SNX2: variants seen among roughly 807,000 people sequenced by gnomAD.
SNX2 encodes the protein sorting nexin-2.
A neutral mutation model predicts 69.9 loss-of-function variants in SNX2; 25 were observed. That is an observed-to-expected ratio of 0.36 (90% CI 0.26 to 0.50). The LOEUF (loss-of-function observed/expected upper bound fraction) is 0.50, where lower values mean the gene tolerates loss of function less well. Among genes scored for constraint, SNX2 ranks in the 20% least tolerant of loss-of-function variants. The probability of loss-of-function intolerance (pLI) is 0.97; values close to 1 mark genes in which losing one functional copy is unlikely to be tolerated. For synonymous variants in SNX2, 229 were observed against 200.4 expected, an observed-to-expected ratio of 1.14 and a Z score of -1.20; for missense variants, 551 against 613.3, an observed-to-expected ratio of 0.90 and a Z score of 1.07.
chr5:122,806,599 TTTTATTTATTTATTTATTTA>T (rs140249573), intron 6 of SNX2, among the ~76,000 whole-genome samples: 2 of 150,594 alleles, frequency 1.3e-5, no homozygotes, highest in South Asian at 2.1e-4. Flanking sequence ...TTGTTTGGGG[TTTTATTTATTTATTTATTTA>T]TTTATTTATT....
At chr5:122,801,651 T>TTGTGTGTGTG (rs1752907799) in intron 3 of SNX2, among the ~76,000 whole-genome samples, 1 of 59,888 alleles carries the variant, frequency 1.7e-5, no homozygotes, top group African/African-American at 8.7e-5. Flanking sequence ...ATGGTCTTTT[T>TTGTGTGTGTG]CGTGTGTGTG....
At chr5:122,775,888 T>C (rs1044151185) in intron 1 of SNX2, 1 of 548,924 alleles carries the variant, frequency 1.8e-6, no homozygotes, top group Non-Finnish European at 2.3e-6. Flanking sequence ...TGTGTGTGTT[T>C]TCGAAGTTAC....
At chr5:122,807,860 G>T (rs1400709520) in intron 6 of SNX2, among the ~76,000 whole-genome samples, 5 of 152,054 alleles carry the variant, frequency 3.3e-5, no homozygotes, top group East Asian at 1.9e-4. Flanking sequence ...CCAAAGTAAA[G>T]AATTTTAATT....
At chr5:122,791,864 A>G (rs1187065680) in intron 1 of SNX2, among the ~76,000 whole-genome samples, 1 of 152,268 alleles carries the variant, frequency 6.6e-6, no homozygotes, top group African/African-American at 2.4e-5. Flanking sequence ...AGTGAACAAG[A>G]TGAGATACTC....
rs755477771 is a variant in SNX2 at position 122,775,096 on chromosome 5, G to A, written c.-8G>A. 1.8e-5 allele frequency: 28 copies of A among 1,579,944 alleles called. No homozygotes were observed. In the Admixed American group the frequency reaches 1.9e-4, roughly 11 times the overall value. On this transcript the variant is annotated 5_prime_UTR_variant, in exon 1 of 15. Transcript: ENST00000379516. ...GCCCAGCTCGCGCAGTCGTTCGGGT[G>A]AGCGAAGATGGCGGCCGAGAGGGAA... is the stretch of plus-strand genomic sequence containing the variant.
At chr5:122,816,835 A>AG (rs1401615021) in intron 8 of SNX2, 80 bp from the exon 9 acceptor site, 8 of 521,910 alleles carry the variant, frequency 1.5e-5, no homozygotes, top group Admixed American at 3.8e-5. Flanking sequence ...AGGGGGGAGG[A>AG]GGGGGGATCA....
Position 122,775,120 on chromosome 5 carries a change from A to G in SNX2, c.17A>G (p.Glu6Gly), listed in dbSNP as rs761074816. 1.9e-6 allele frequency: 3 copies of G among 1,591,218 alleles called. No homozygotes were observed. Among genetic ancestry groups the G allele is most frequent in the Non-Finnish European group, 2.6e-6 (3 of 1,170,834 alleles). The change falls in exon 1 of 15, where the codon GAA (glutamate) becomes GGA (glycine). Residue 6 changes from glutamate to glycine, a missense_variant. Physicochemically the swap from Glu to Gly is moderately conservative, Grantham distance 98. Around this residue, in one of 2 missense-constraint regions of SNX2, gnomAD observed 191 missense variants for 162.9 expected, o/e 1.17. Transcript: ENST00000379516. ...TGAGCGAAGATGGCGGCCGAGAGGG[A>G]ACCTCCTCCGCTGGGGGACGGGAAG... is the stretch of plus-strand genomic sequence containing the variant. The part of the protein sequence containing the change: MAAER[E>G]PPPLGDGKPT...
Position 122,832,090 on chromosome 5 carries a change from T to A in SNX2, c.*2442T>A, listed in dbSNP as rs904592696. ...CATTAATAGTGCTAATAATATAATC[T>A]TTTCATTGGATAGGTCTGAGTTTAG... On this transcript the variant is annotated 3_prime_UTR_variant, in exon 15 of 15. Coordinates refer to ENST00000379516, the MANE Select transcript of SNX2 (RefSeq NM_003100.4). Among the ~76,000 whole-genome samples the A allele has an allele frequency of 8.5e-5, 13 of 152,210 alleles. No individual in the cohort carries two copies. The highest frequency in any genetic ancestry group is 8.5e-4 in the Admixed American group (13 of 15,286).
At position 122,831,887 on chromosome 5, in the gene SNX2, C is replaced by G. The variant is rs1312762142; in HGVS notation, c.*2239C>G. ...AACTCTAGACTCCCTTCCAGACTTCCATTTCCCTTGCCCACATTTACTAAA... is the reference window on the plus strand; with the variant it reads ...AACTCTAGACTCCCTTCCAGACTTCGATTTCCCTTGCCCACATTTACTAAA... On this transcript the variant is annotated 3_prime_UTR_variant, in exon 15 of 15. Transcript: ENST00000379516. Among the ~76,000 whole-genome samples, 1 of 152,142 alleles carries G rather than the reference C, an allele frequency of 6.6e-6. No individual in the cohort carries two copies. The highest frequency in any genetic ancestry group is 1.5e-5 in the Non-Finnish European group (1 of 68,010).
chr5:122,780,571 CTTTTCT>C (rs1286816625), intron 1 of SNX2, among the ~76,000 whole-genome samples: 2 of 133,338 alleles, frequency 1.5e-5, no homozygotes, highest in African/African-American at 3.1e-5. Context: ...CTTTTCTTTT[CTTTTCT>C]TTTTTTTTTT....
At chr5:122,827,167 G>C (rs1431635951) in intron 12 of SNX2, among the ~76,000 whole-genome samples, 1 of 151,900 alleles carries the variant, frequency 6.6e-6, no homozygotes, top group African/African-American at 2.4e-5. Flanking sequence ...TCTTAATATT[G>C]AGCAAATCTG....
At chr5:122,795,801 T>C (rs998714907) in intron 2 of SNX2, among the ~76,000 whole-genome samples, 11 of 152,236 alleles carry the variant, frequency 7.2e-5, no homozygotes, top group African/African-American at 2.2e-4. Flanking sequence ...ATTGCTGTAC[T>C]ATTTACCATC....
chr5:122,791,063 T>C (rs1322375126), intron 1 of SNX2, among the ~76,000 whole-genome samples: 2 of 152,080 alleles, frequency 1.3e-5, no homozygotes, highest in African/African-American at 4.8e-5. Context: ...TTATCATTAA[T>C]AGATATTGGA....
rs186969629 is a variant in SNX2 at position 122,827,849 on chromosome 5, A to G, written c.1509+203A>G. 5.9e-6 allele frequency: 3 copies of G among 507,070 alleles called. No homozygotes were observed. The Admixed American group carries it at 1.1e-4, about 18-fold the overall frequency. The allele number at this position is 507,070 out of a possible 1,614,324, so 31.4% of individuals were successfully genotyped here. On this transcript the variant is annotated intron_variant, in intron 14 of 14. Transcript: ENST00000379516. The stretch of plus-strand genomic sequence containing the variant: ...TTTTTTTTTTTTGCCTCTGCTTAAC[A>G]CTAAGGCAGAGATAGACTTTTCCCA...
At chr5:122,787,169 G>A (rs773420083) in intron 1 of SNX2, among the ~76,000 whole-genome samples, 30 of 152,080 alleles carry the variant, frequency 2.0e-4, no homozygotes, top group Non-Finnish European at 3.5e-4. Flanking sequence ...TAGGAACCTG[G>A]AAGAGGCATG....
chr5:122,791,273 G>A (rs1359898002), intron 1 of SNX2, among the ~76,000 whole-genome samples: 3 of 151,740 alleles, frequency 2.0e-5, no homozygotes, highest in Non-Finnish European at 2.9e-5. Context: ...ACAGACATGC[G>A]CCACCATGCC....
chr5:122,826,156 C>A lies in SNX2; in HGVS notation c.1319C>A (p.Pro440Gln). 2 of 1,612,668 alleles carry A rather than the reference C, an allele frequency of 1.2e-6. No individual in the cohort carries two copies. The highest frequency in any genetic ancestry group is 2.2e-5 in the East Asian group (1 of 44,728). ...GCAAAAATGATGGTTGCTAACAAAC[C>A]AGATAAAATACAGCAAGCTAAAAAT... ...AEAKMMVANKPDKIQQAKNEI... is the reference protein window; with the variant it reads ...AEAKMMVANKQDKIQQAKNEI... Residue 440 changes from proline to glutamine, a missense_variant, in exon 12 of 15, where the codon CCA becomes CAA. Pro to Gln is a moderately conservative substitution (Grantham distance 76). Coordinates refer to ENST00000379516, the MANE Select transcript of SNX2 (RefSeq NM_003100.4).
chr5:122,827,647 G>A lies in SNX2; in HGVS notation c.1509+1G>A. On this transcript the variant is annotated splice_donor_variant, in intron 14 of 14. Transcript: ENST00000379516. LOFTEE classifies it high-confidence loss of function. ...ATCACTAGTTCAAACACAACAACAG[G>A]TAAGCCATTTTTGTTTATAACTTAA... is the stretch of plus-strand genomic sequence containing the variant. 1 of 1,604,766 alleles carries A rather than the reference G, an allele frequency of 6.2e-7. No individual in the cohort carries two copies. The highest frequency in any genetic ancestry group is 8.5e-7 in the Non-Finnish European group (1 of 1,173,714).
intron 12 of SNX2, among the ~76,000 whole-genome samples, chr5:122,826,933 T>A (rs1561478865): frequency 6.6e-6 from 1 of 152,082 alleles, no homozygotes; most frequent in African/African-American, 2.4e-5. Flanking sequence ...TTTCCTAATT[T>A]AAAATATTTC....
Sources: gnomAD v4.1 joint callset for allele counts (sites outside exome capture counted in the v4.1 genomes callset) on GRCh38, gnomAD v4.1.1 for gene constraint, gnomAD v4.1.1 regional missense constraint, MANE v1.5 for transcripts, NCBI Gene and HGNC (gene_info 2026-07-23, HGNC 2026-07-21) for gene names.